PCLAF: variants seen among roughly 807,000 people sequenced by gnomAD.
PCLAF encodes the protein PCNA-associated factor.
Under a neutral mutation model 15.1 loss-of-function variants are expected in PCLAF, and 12 were observed. That is an observed-to-expected ratio of 0.79 (90% CI 0.51 to 1.29). PCLAF has a LOEUF of 1.29. Ranked by LOEUF, PCLAF falls within the 50% of genes most tolerant of loss-of-function variation. The pLI is 0.00. For missense variants in PCLAF, 116 were observed against 130.9 expected, an observed-to-expected ratio of 0.89 and a Z score of 0.56; for synonymous variants, 33 against 47.1, an observed-to-expected ratio of 0.70 and a Z score of 1.22.
chr15:64,376,171 G>C (rs1180481633), intron 3 of PCLAF, among the ~76,000 whole-genome samples: 1 of 152,114 alleles, frequency 6.6e-6, no homozygotes, highest in African/African-American at 2.4e-5. Context: ...GTTGCAGTGA[G>C]CTGAGATAGC....
In PCLAF at chr15:64,365,742, T is replaced by G. The variant is rs940276536; in HGVS notation, c.*288A>C. ...AAGCAAATCTCAAATACAACATACT[T>G]GTAATTAGAACACAATGCAATGACT... On this transcript the variant is annotated 3_prime_UTR_variant, in exon 4 of 4. Coordinates refer to ENST00000300035, the MANE Select transcript of PCLAF (RefSeq NM_014736.6). 16 of 357,154 alleles carry G rather than the reference T, an allele frequency of 4.5e-5. No homozygotes were observed. Among genetic ancestry groups the G allele is most frequent in the Admixed American group, 2.5e-4 (5 of 20,368 alleles). The allele number at this position is 357,154 out of a possible 1,614,324, so 22.1% of individuals were successfully genotyped here.
At position 64,377,051 on chromosome 15, in the gene PCLAF, T is replaced by G. The variant is rs1473726059; in HGVS notation, c.128-146A>C. 6.2e-6 allele frequency: 4 copies of G among 641,118 alleles called. No homozygotes were observed. In the East Asian group the frequency reaches 1.1e-4, roughly 18 times the overall value. 39.7% of individuals were successfully genotyped at this position (641,118 alleles called of 1,614,324 possible). ...ATATACAACTTAAAGAATTAGAAAA[T>G]GTGACACAATAAAGCTGTATTCCAC... is the stretch of plus-strand genomic sequence containing the variant. On this transcript the variant is annotated intron_variant, in intron 2 of 3. Transcript: ENST00000300035.
intron 3 of PCLAF, among the ~76,000 whole-genome samples, chr15:64,370,829 GTTT>G (rs10607183): frequency 0.5 from 43,356 of 86,400 alleles, 7,560 homozygotes; most frequent in Admixed American, 0.59. Flanking sequence ...TCATAAAGTT[GTTT>G]TTTTTTTTTT....
intron 2 of PCLAF, 29 bp from the exon 3 acceptor site, chr15:64,376,934 T>C: frequency 6.4e-7 from 1 of 1,568,592 alleles, no homozygotes; most frequent in Non-Finnish European, 8.7e-7. Context: ...TGGAACTAGA[T>C]AAGTGCTAAT....
chr15:64,373,740 G>A (rs1246930920), intron 3 of PCLAF: 1 of 1,535,790 alleles, frequency 6.5e-7, no homozygotes, highest in Non-Finnish European at 8.7e-7. Flanking sequence ...GCTGCTCAGT[G>A]TGCTGGAGGA....
chr15:64,372,854 C>T (rs761799228), intron 3 of PCLAF, among the ~76,000 whole-genome samples: 12 of 151,792 alleles, frequency 7.9e-5, no homozygotes, highest in Non-Finnish European at 1.3e-4. Flanking sequence ...GCCTGTAATC[C>T]CAGTTACTCA....
At chr15:64,379,475 T>C (rs1168870632) in intron 2 of PCLAF, among the ~76,000 whole-genome samples, 2 of 150,126 alleles carry the variant, frequency 1.3e-5, no homozygotes, top group African/African-American at 4.9e-5. Context: ...AGTGAGACCC[T>C]GTCTCAAAAA....
At chr15:64,378,746 A>C (rs1387552787) in intron 2 of PCLAF, among the ~76,000 whole-genome samples, 1 of 152,124 alleles carries the variant, frequency 6.6e-6, no homozygotes, top group African/African-American at 2.4e-5. Context: ...CCCTGCCTCC[A>C]CTAAAGATAC....
At chr15:64,375,595 G>A (rs1899576558) in intron 3 of PCLAF, among the ~76,000 whole-genome samples, 1 of 152,084 alleles carries the variant, frequency 6.6e-6, no homozygotes. Flanking sequence ...GTTTCACCAT[G>A]TTGCCCAGGC....
chr15:64,370,279 C>T (rs1047486654), intron 3 of PCLAF, among the ~76,000 whole-genome samples: 2 of 150,190 alleles, frequency 1.3e-5, no homozygotes, highest in Non-Finnish European at 3.0e-5. Context: ...AGAGACCATG[C>T]CTAAGCTGGT....
At chr15:64,380,108 C>T (rs775028421) in intron 2 of PCLAF, among the ~76,000 whole-genome samples, 2 of 151,956 alleles carry the variant, frequency 1.3e-5, no homozygotes, top group African/African-American at 4.8e-5. Context: ...AATAGCTGGG[C>T]GTGGTGGATC....
chr15:64,373,235 T>C (rs1265850276), intron 3 of PCLAF: 1 of 152,890 alleles, frequency 6.5e-6, no homozygotes, highest in Non-Finnish European at 1.5e-5. Context: ...TAAGTAATTT[T>C]TGATGTTCTC....
chr15:64,383,114 C>T (rs11635527), upstream of PCLAF: 126,845 of 152,572 alleles, frequency 0.83, 55,146 homozygotes, highest in East Asian at 0.96. Flanking sequence ...ATGAATTGCT[C>T]GAACTTAGAA....
chr15:64,367,480 G>A (rs1302897511), intron 3 of PCLAF, among the ~76,000 whole-genome samples: 3 of 150,342 alleles, frequency 2.0e-5, no homozygotes, highest in Admixed American at 6.7e-5. Context: ...TCCAGCCTGG[G>A]CAACAAGAGC....
At chr15:64,381,281 C>A in intron 1 of PCLAF, 45 bp downstream of exon 1, 6 of 1,610,104 alleles carry the variant, frequency 3.7e-6, no homozygotes, top group Non-Finnish European at 5.1e-6. Context: ...GCCAGGCTGC[C>A]GGGAGGACCC....
intron 2 of PCLAF, among the ~76,000 whole-genome samples, chr15:64,377,945 G>C (rs1183910024): frequency 2.1e-5 from 3 of 145,956 alleles, no homozygotes; most frequent in Admixed American, 6.8e-5. Flanking sequence ...GTTTTTTTGG[G>C]GGGGAGACAG....
chr15:64,380,799 C>T (rs1899788938), intron 2 of PCLAF, among the ~76,000 whole-genome samples, 159 bp downstream of exon 2: 1 of 152,134 alleles, frequency 6.6e-6, no homozygotes, highest in Non-Finnish European at 1.5e-5. Flanking sequence ...CTCCCCCCCA[C>T]CTCTACCCTA....
At chr15:64,369,109 C>T (rs1343396674) in intron 3 of PCLAF, among the ~76,000 whole-genome samples, 2 of 152,208 alleles carry the variant, frequency 1.3e-5, no homozygotes, top group South Asian at 2.1e-4. Context: ...GGCCCGTAAT[C>T]CCAACACTTT....
At chr15:64,377,605 A>G (rs1899662751) in intron 2 of PCLAF, among the ~76,000 whole-genome samples, 1 of 141,594 alleles carries the variant, frequency 7.1e-6, no homozygotes, top group Non-Finnish European at 1.5e-5. Context: ...ACCATGTAGT[A>G]TAAAGTGCCA....
Sources: gnomAD v4.1 joint callset for allele counts (sites outside exome capture counted in the v4.1 genomes callset) on GRCh38, gnomAD v4.1.1 for gene constraint, MANE v1.5 for transcripts, NCBI Gene and HGNC (gene_info 2026-07-23, HGNC 2026-07-21) for gene names.